Variants in DMD observed in about 807,000 individuals in gnomAD.
DMD encodes the protein dystrophin.
Under a neutral mutation model 330.1 loss-of-function variants are expected in DMD, and 63 were observed. The ratio of observed to expected loss-of-function variants is 0.19; its 90% CI spans 0.16 to 0.24. The LOEUF (loss-of-function observed/expected upper bound fraction) is 0.24. DMD is among the 10% of genes least tolerant of loss of function. DMD has a pLI of 1.00. For synonymous variants in DMD, 1,223 were observed against 959.8 expected (o/e 1.27, Z -5.07); for missense variants, 3,344 against 2,684.1 (o/e 1.25, Z -5.43).
chrX:32,117,817 G>T (rs2096617499), intron 44 of DMD, among the ~76,000 whole-genome samples: 1 of 111,433 alleles, frequency 9.0e-6, no homozygotes, highest in African/African-American at 3.3e-5. Flanking sequence ...GGTTTGGATA[G>T]GGATCTTCTA....
chrX:32,324,116 A>G (rs1174401555), intron 41 of DMD, among the ~76,000 whole-genome samples: 1 of 111,080 alleles, frequency 9.0e-6, no homozygotes, highest in Admixed American at 9.6e-5. Flanking sequence ...AATATATTGT[A>G]TCTCTCAAAA....
At chrX:32,849,437 A>C (rs1322819808) in intron 3 of DMD, among the ~76,000 whole-genome samples, 1 of 112,135 alleles carries the variant, frequency 8.9e-6, no homozygotes, top group Non-Finnish European at 1.9e-5. Context: ...ATAATTTCTC[A>C]AGTCATTATG....
intron 63 of DMD, among the ~76,000 whole-genome samples, chrX:31,245,703 C>A (rs201940999): frequency 1.8e-5 from 2 of 111,167 alleles, no homozygotes; most frequent in East Asian, 5.6e-4. Flanking sequence ...GATCAGTAAT[C>A]GTTGATGTTA....
chrX:32,511,217 G>T (rs1359147359), intron 18 of DMD, among the ~76,000 whole-genome samples: 4 of 110,353 alleles, frequency 3.6e-5, no homozygotes, highest in Non-Finnish European at 7.6e-5. Context: ...TGTACAAAAA[G>T]TTATTTTGTG....
At chrX:33,302,121 C>T (rs774804510) in intron 1 of DMD, among the ~76,000 whole-genome samples, 4 of 111,017 alleles carry the variant, frequency 3.6e-5, no homozygotes, top group Non-Finnish European at 5.7e-5. Flanking sequence ...CTTAATGTTC[C>T]GTTGCAACAG....
chrX:31,889,714 C>T (rs12014297), intron 47 of DMD, among the ~76,000 whole-genome samples: 1,895 of 104,940 alleles, frequency 0.018, 44 homozygotes, highest in African/African-American at 0.063. Context: ...TACAAATTAA[C>T]CCCGTATTTT....
intron 2 of DMD, among the ~76,000 whole-genome samples, chrX:33,016,728 A>G (rs2093810192): frequency 8.9e-6 from 1 of 112,016 alleles, no homozygotes; most frequent in South Asian, 3.7e-4. Flanking sequence ...ATTGGGAGAT[A>G]GTTTATCTCT....
chrX:32,224,705 T>A (rs2097141822), intron 43 of DMD, among the ~76,000 whole-genome samples: 1 of 111,976 alleles, frequency 8.9e-6, no homozygotes, highest in Non-Finnish European at 1.9e-5. Flanking sequence ...TGGATTGACA[T>A]TATACTTTGT....
intron 48 of DMD, among the ~76,000 whole-genome samples, chrX:31,850,516 G>A (rs5972450): frequency 0.26 from 28,738 of 111,240 alleles, 2,948 homozygotes; most frequent in Non-Finnish European, 0.33. Flanking sequence ...CAGACAGAAG[G>A]GACTGTGTGG....
chrX:32,603,746 A>T, intron 12 of DMD, among the ~76,000 whole-genome samples: 1 of 111,189 alleles, frequency 9.0e-6, no homozygotes, highest in East Asian at 2.9e-4. Context: ...ACAAATTAGA[A>T]AATCTGGAGG....
intron 59 of DMD, among the ~76,000 whole-genome samples, chrX:31,473,089 G>C (rs2067421844): frequency 9.0e-6 from 1 of 111,129 alleles, no homozygotes; most frequent in African/African-American, 3.3e-5. Flanking sequence ...GGGCGCAGTG[G>C]CTCACGCCTG....
chrX:33,294,195 T>C (rs2053553139), intron 1 of DMD, among the ~76,000 whole-genome samples: 1 of 111,302 alleles, frequency 9.0e-6, no homozygotes. Context: ...GCAGGTTTTT[T>C]TGTTTTGAAT....
At chrX:31,361,358 G>A (rs2058926688) in intron 60 of DMD, among the ~76,000 whole-genome samples, 1 of 111,656 alleles carries the variant, frequency 9.0e-6, no homozygotes, top group Non-Finnish European at 1.9e-5. Context: ...TATGTTCATC[G>A]TGTGGTGGAT....
At chrX:32,594,566 CCCTCT>C (rs781438986) in intron 13 of DMD, among the ~76,000 whole-genome samples, 26 of 111,315 alleles carry the variant, frequency 2.3e-4, no homozygotes, top group African/African-American at 8.5e-4. Flanking sequence ...CTACCAGAAT[CCCTCT>C]CAGTCCAGTA....
intron 44 of DMD, among the ~76,000 whole-genome samples, chrX:32,078,474 C>T (rs1370055465): frequency 8.9e-6 from 1 of 112,182 alleles, no homozygotes; most frequent in East Asian, 2.8e-4. Context: ...TCACTTGCCA[C>T]CATAATTACA....
At position 32,386,270 on chromosome X, in the gene DMD, A is replaced by T. The variant is rs73463823; in HGVS notation, c.4674+40T>A. The T allele has an allele frequency of 5.0e-6, 6 of 1,201,140 alleles. No homozygotes were observed. In the Admixed American group the frequency reaches 1.3e-4, roughly 26 times the overall value. On this transcript the variant is annotated intron_variant, in intron 33 of 78. Transcript: ENST00000357033. ...GCCCGTTGCTTTACAATTTATAAGG[A>T]AAGTGGAAAGAAGTGTTTGTGGTCT... is the stretch of plus-strand genomic sequence containing the variant.
chrX:32,811,847 TA>T (rs60255180), intron 6 of DMD, among the ~76,000 whole-genome samples: 4,393 of 111,111 alleles, frequency 0.04, 200 homozygotes, highest in African/African-American at 0.14. Context: ...CGACTTGCAT[TA>T]AAAAAAATGT....
intron 44 of DMD, among the ~76,000 whole-genome samples, chrX:32,214,224 TAAAAAA>T (rs200083093): frequency 0.11 from 9,541 of 88,874 alleles, 486 homozygotes; most frequent in Admixed American, 0.15. Flanking sequence ...CTGAAACACT[TAAAAAA>T]AAAAAAAAAA....
chrX:31,769,233 T>C (rs1256104295), intron 51 of DMD, among the ~76,000 whole-genome samples: 1 of 112,148 alleles, frequency 8.9e-6, no homozygotes, highest in Admixed American at 9.5e-5. Flanking sequence ...TAACTAACTT[T>C]GCCTTGAGTC....
Sources: gnomAD v4.1 joint callset for allele counts (sites outside exome capture counted in the v4.1 genomes callset) on GRCh38, gnomAD v4.1.1 for gene constraint, MANE v1.5 for transcripts, NCBI Gene and HGNC (gene_info 2026-07-23, HGNC 2026-07-21) for gene names.